The following SACS variants were observed in gnomAD, a reference collection of about 807,000 sequenced individuals.
SACS encodes sacsin molecular chaperone, also known as sacsin.
In SACS, 197 loss-of-function variants were observed where a neutral mutation model predicts 348.0. The ratio of observed to expected loss-of-function variants is 0.57; its 90% confidence interval spans 0.50 to 0.64. The LOEUF (loss-of-function observed/expected upper bound fraction) is 0.64. SACS is among the 30% of genes least tolerant of loss of function. The pLI is 0.00. For missense variants in SACS, 4,999 were observed against 5,360.8 expected, an observed-to-expected ratio of 0.93 and a Z score of 2.11; for synonymous variants, 1,985 against 1,910.6, an observed-to-expected ratio of 1.04 and a Z score of -1.02.
chr13:23,340,455 G>C lies in SACS; in HGVS notation c.3421C>G (p.Leu1141Val). The C allele has an allele frequency of 6.2e-7, 1 of 1,613,962 alleles. No individual in the cohort carries two copies. Residue 1141 changes from leucine to valine, a missense_variant, in exon 10 of 10, where the codon CTG becomes GTG. Leu to Val is a conservative substitution (Grantham distance 32, BLOSUM62 1). Around this residue, in one of 6 missense-constraint regions of SACS, gnomAD observed 3,156 missense variants for 3,380.1 expected, o/e 0.93. Transcript: ENST00000382292. ...ATCTTTCCTTCAGATGATTGCAACA[G>C]TGTGTGATTCTTATTTAAAACCAGT... ...LLLVLNKNHTLLQSSEGKMTL... is the reference protein window; with the variant it reads ...LLLVLNKNHTVLQSSEGKMTL...
chr13:23,355,591 G>A lies in SACS; in HGVS notation c.1021C>T (p.Leu341=). ...ATAGAATTCGGCCGCTCATGTTTCA[G>A]TGCCTTACTCTCACTCGAAGTCACT... ...FRVTSSESKA[L]KHERPNSIKI... is the part of the protein sequence containing the mutation. Residue 341 remains leucine (L), a synonymous_variant, in exon 8 of 10, where the codon CTG becomes TTG. Transcript: ENST00000382292. The A allele has an allele frequency of 6.2e-7, 1 of 1,614,118 alleles. No homozygotes were observed. The highest frequency in any genetic ancestry group is 1.3e-5 in the African/African-American group (1 of 75,014).
Position 23,354,861 on chromosome 13 carries a change from A to C in SACS, c.1751T>G (p.Leu584Ter). Residue 584 changes from leucine (L) to a stop codon, truncating the protein, a stop_gained, in exon 8 of 10, where the codon TTA (leucine) becomes TGA (stop). Transcript: ENST00000382292. LOFTEE classifies it high-confidence loss of function. ...GTTGAGCACAGTTTTTGTGTATTCT[A>C]AATTTTCATCAAGTTCTGAGAAGTA... Reference protein sequence around the residue: ...QVYFSELDENLEYTKTVLNYL... With the variant: ...QVYFSELDEN The C allele has an allele frequency of 6.2e-7, 1 of 1,614,188 alleles. No individual in the cohort carries two copies. Among genetic ancestry groups the C allele is most frequent in the Non-Finnish European group, 8.5e-7 (1 of 1,180,026 alleles).
intron 1 of SACS, among the ~76,000 whole-genome samples, chr13:23,426,156 A>G (rs774240723): frequency 7.2e-5 from 11 of 152,154 alleles, no homozygotes; most frequent in Non-Finnish European, 1.3e-4. Context: ...AGTGCCTGAC[A>G]CAAGTATAGG....
chr13:23,340,025 A>T lies in SACS; in HGVS notation c.3851T>A (p.Phe1284Tyr). The change falls in exon 10 of 10, where the codon TTT (phenylalanine) becomes TAT (tyrosine). Residue 1284 changes from phenylalanine to tyrosine, a missense_variant. Around this residue, in one of 6 missense-constraint regions of SACS, gnomAD observed 3,156 missense variants for 3,380.1 expected, o/e 0.93. Coordinates refer to ENST00000382292, the MANE Select transcript of SACS (RefSeq NM_014363.6). Reference sequence around the variant, plus strand: ...AATCACAGCCTGGGCAAGTGGACAAAACTTTTTGCCAGTCCAAACCCATGG... The same window carrying T: ...AATCACAGCCTGGGCAAGTGGACAATACTTTTTGCCAGTCCAAACCCATGG... Reference protein sequence around the residue: ...KFPWVWTGKKFCPLAQAVIKP... With the variant: ...KFPWVWTGKKYCPLAQAVIKP... 2 of 1,613,734 alleles carry T rather than the reference A, an allele frequency of 1.2e-6. No individual in the cohort carries two copies. Among genetic ancestry groups the T allele is most frequent in the Non-Finnish European group, 1.7e-6 (2 of 1,179,876 alleles).
chr13:23,358,911 C>A (rs1870561766), intron 6 of SACS, among the ~76,000 whole-genome samples: 1 of 152,078 alleles, frequency 6.6e-6, no homozygotes, highest in Non-Finnish European at 1.5e-5. Flanking sequence ...GTGGCTCATG[C>A]TTGTAATCCC....
At chr13:23,418,622 CA>C (rs1320064393) in intron 1 of SACS, among the ~76,000 whole-genome samples, 10 of 152,230 alleles carry the variant, frequency 6.6e-5, no homozygotes, top group Non-Finnish European at 1.2e-4. Context: ...TTGCCTGCCT[CA>C]GCTGTCTGAG....
At chr13:23,365,131 T>C (rs1870979469) in intron 6 of SACS, 35 bp downstream of exon 6, 3 of 1,352,228 alleles carry the variant, frequency 2.2e-6, no homozygotes, top group Non-Finnish European at 3.2e-6. Context: ...TGTTAGTGCA[T>C]ACAATAAAAT....
intron 1 of SACS, among the ~76,000 whole-genome samples, chr13:23,424,107 C>T (rs995365543): frequency 6.6e-6 from 1 of 152,046 alleles, no homozygotes; most frequent in Admixed American, 6.5e-5. Flanking sequence ...ATACACATAT[C>T]CACTACTAAT....
At chr13:23,380,731 T>A (rs1872020157) in intron 2 of SACS, among the ~76,000 whole-genome samples, 1 of 152,180 alleles carries the variant, frequency 6.6e-6, no homozygotes, top group East Asian at 1.9e-4. Context: ...CACAGGGCCA[T>A]GACCTAACTG....
Position 23,340,923 on chromosome 13 carries a change from G to A in SACS, c.2953C>T (p.Gln985Ter), listed in dbSNP as rs1264230361. 1 of 1,613,938 alleles carries A rather than the reference G, an allele frequency of 6.2e-7. No homozygotes were observed. The highest frequency in any genetic ancestry group is 1.7e-5 in the Admixed American group (1 of 60,024). ...IRLANMLKIE[Q>*]LKTTSCLKLV... ...TTTAAGCAGCTAGTGGTCTTTAACT[G>A]TTCTATTTTCAACATGTTTGCCAGA... The change falls in exon 10 of 10, where the codon CAG becomes TAG. Residue 985 changes from glutamine (Q) to a stop codon, truncating the protein, a stop_gained. Transcript: ENST00000382292. LOFTEE classifies it high-confidence loss of function.
intron 9 of SACS, among the ~76,000 whole-genome samples, chr13:23,350,765 A>C (rs1258930693): frequency 1.3e-5 from 2 of 152,210 alleles, no homozygotes; most frequent in Admixed American, 1.3e-4. Context: ...CTCCATAAAC[A>C]TAATACTCCG....
Position 23,386,575 on chromosome 13 carries a change from A to C in SACS, c.21-11306T>G, listed in dbSNP as rs573675089. On this transcript the variant is annotated intron_variant, in intron 2 of 9. Transcript: ENST00000382292. ...TCAAATTGATTCCTAATCAGTAATAAGGCTGTTTTGCTTTCTTATAGTTTC... is the reference window on the plus strand; with the variant it reads ...TCAAATTGATTCCTAATCAGTAATACGGCTGTTTTGCTTTCTTATAGTTTC... Among the ~76,000 whole-genome samples, 12 of 152,304 alleles carry C rather than the reference A, an allele frequency of 7.9e-5. No homozygotes were observed. In the South Asian group the frequency reaches 2.1e-3, roughly 26 times the overall value.
chr13:23,350,963 T>G (rs1401869257), intron 9 of SACS, among the ~76,000 whole-genome samples: 2 of 152,224 alleles, frequency 1.3e-5, no homozygotes, highest in Non-Finnish European at 2.9e-5. Flanking sequence ...TACCTGTGAC[T>G]AGACTGGTGA....
Position 23,339,177 on chromosome 13 carries a change from T to C in SACS, c.4699A>G (p.Thr1567Ala). The C allele has an allele frequency of 6.2e-7, 1 of 1,613,138 alleles. No homozygotes were observed. The change falls in exon 10 of 10, where the codon ACT becomes GCT. Residue 1567 changes from threonine (T) to alanine (A), a missense_variant. By Grantham distance (58) the Thr-to-Ala change is moderately conservative. Transcript: ENST00000382292. ...CGACTCATAATGATGGGAATGTCAG[T>C]GATATGGTACACAGAATTAAATCCA... ...GLGFNSVYHI[T>A]DIPIIMSREF...
At position 23,332,693 on chromosome 13, in the gene SACS, T is replaced by C. The variant is rs201511893; in HGVS notation, c.11183A>G (p.Glu3728Gly). The C allele has an allele frequency of 3.7e-6, 6 of 1,613,996 alleles. No homozygotes were observed. The highest frequency in any genetic ancestry group is 4.2e-6 in the Non-Finnish European group (5 of 1,179,950). The change falls in exon 10 of 10, where the codon GAA (glutamate) becomes GGA (glycine). Residue 3728 changes from glutamate to glycine, a missense_variant. Glu to Gly is a moderately conservative substitution (Grantham distance 98). Around this residue, in one of 6 missense-constraint regions of SACS, gnomAD observed 831 missense variants for 941.8 expected, o/e 0.88. Coordinates refer to ENST00000382292, the MANE Select transcript of SACS (RefSeq NM_014363.6). ...EQEGSDLGPQ[E>G]QLEQVLNMLN... ...CATATTTAAAACTTGTTCAAGCTGT[T>C]CTTGTGGACCAAGGTCACTACCTTC... is the stretch of plus-strand genomic sequence containing the variant.
chr13:23,432,700 G>A (rs148162459), intron 1 of SACS, among the ~76,000 whole-genome samples: 121 of 152,260 alleles, frequency 7.9e-4, no homozygotes, highest in African/African-American at 2.7e-3. Context: ...TCCATGACCT[G>A]TGAATCAATT....
chr13:23,424,537 A>AG (rs1874089262), intron 1 of SACS, among the ~76,000 whole-genome samples: 2 of 150,626 alleles, frequency 1.3e-5, no homozygotes, highest in African/African-American at 2.4e-5. Flanking sequence ...AAAAAAAAAA[A>AG]AAGGAAATGA....
At chr13:23,415,034 CT>C (rs879284440) in intron 1 of SACS, among the ~76,000 whole-genome samples, 2 of 151,860 alleles carry the variant, frequency 1.3e-5, no homozygotes, top group East Asian at 3.9e-4. Context: ...TTTTTCTTTT[CT>C]TTTTTTTATT....
chr13:23,347,084 C>A (rs866976216), intron 9 of SACS, among the ~76,000 whole-genome samples: 9 of 152,182 alleles, frequency 5.9e-5, no homozygotes, highest in Middle Eastern at 3.4e-3. Context: ...AGAAAGAAAG[C>A]AAAGAAAGAA....
Sources: allele counts gnomAD v4.1 joint callset (sites outside exome capture counted in the v4.1 genomes callset), GRCh38; gene constraint gnomAD v4.1.1; regional missense constraint gnomAD v4.1.1; transcripts MANE v1.5; gene names NCBI Gene and HGNC (gene_info 2026-07-23, HGNC 2026-07-21).